The following INSYN2B variants were observed in gnomAD, a reference collection of about 807,000 sequenced individuals.
INSYN2B encodes protein INSYN2B.
INSYN2B carries 16 observed loss-of-function variants against 41.2 expected under a neutral mutation model. The ratio of observed to expected loss-of-function variants is 0.39; its 90% confidence interval spans 0.26 to 0.59. The LOEUF (loss-of-function observed/expected upper bound fraction) is 0.59. Among genes scored for constraint, INSYN2B ranks in the 20% least tolerant of loss-of-function variants. The pLI is 0.57. For synonymous variants in INSYN2B, 245 were observed against 244.4 expected, an observed-to-expected ratio of 1.00 and a Z score of -0.02; for missense variants, 608 against 646.4, an observed-to-expected ratio of 0.94 and a Z score of 0.64.
rs1299324477 is a variant in INSYN2B at position 169,882,755 on chromosome 5, A to G, written c.1144T>C (p.Ser382Pro). Residue 382 changes from serine to proline, a missense_variant, in exon 2 of 4, where the codon TCT (serine) becomes CCT (proline). Ser to Pro is a moderately conservative substitution (Grantham distance 74). Transcript: ENST00000377365. ...AGTTTGGTCTCACTCCTTGAAAGAG[A>G]GGATGGGAGATGATTACTTCCTGGA... The part of the protein sequence containing the change: ...NCPGSNHLPS[S>P]LSRSETKLQS... The G allele has an allele frequency of 6.4e-7, 1 of 1,551,658 alleles. No homozygotes were observed. The highest frequency in any genetic ancestry group is 8.7e-7 in the Non-Finnish European group (1 of 1,146,964).
intron 1 of INSYN2B, among the ~76,000 whole-genome samples, chr5:169,918,135 A>G (rs1774976380): frequency 6.6e-6 from 1 of 152,182 alleles, no homozygotes; most frequent in Non-Finnish European, 1.5e-5. Flanking sequence ...ATCCTGTTCA[A>G]TTTGCTTTGG....
Position 169,916,126 on chromosome 5 carries a change from C to T in INSYN2B, c.-918-31310G>A, listed in dbSNP as rs528957999. ...AATTCAAACTAGATTTGAGGTCTTC[C>T]TGATTCCCGGGATTTACTCTACCGG... On this transcript the variant is annotated intron_variant, in intron 1 of 3. Coordinates refer to ENST00000377365, the MANE Select transcript of INSYN2B (RefSeq NM_001129891.3). Among the ~76,000 whole-genome samples the T allele has an allele frequency of 3.3e-5, 5 of 152,296 alleles. No individual in the cohort carries two copies. In the East Asian group the frequency reaches 9.7e-4, roughly 29 times the overall value.
At chr5:169,868,691 G>T (rs1231975221) in intron 3 of INSYN2B, among the ~76,000 whole-genome samples, 6 of 152,204 alleles carry the variant, frequency 3.9e-5, no homozygotes. Flanking sequence ...CCAGGAAATT[G>T]TGGCTGCAAT....
At chr5:169,895,050 A>G (rs1042540660) in intron 1 of INSYN2B, among the ~76,000 whole-genome samples, 1 of 152,060 alleles carries the variant, frequency 6.6e-6, no homozygotes, top group African/African-American at 2.4e-5. Context: ...GCTGGAATCG[A>G]TGTTGCATTC....
chr5:169,959,656 G>A (rs1210560121), intron 1 of INSYN2B, among the ~76,000 whole-genome samples: 5 of 152,146 alleles, frequency 3.3e-5, no homozygotes, highest in Admixed American at 6.5e-5. Flanking sequence ...TGGACTAAAG[G>A]ACTTTAGGGA....
chr5:169,898,934 G>A (rs1342006226), intron 1 of INSYN2B, among the ~76,000 whole-genome samples: 2 of 152,142 alleles, frequency 1.3e-5, no homozygotes, highest in Admixed American at 6.5e-5. Flanking sequence ...AGCAAAAGGT[G>A]GTAGAATGGT....
chr5:169,974,201 A>C (rs2161367), intron 1 of INSYN2B, among the ~76,000 whole-genome samples: 37,870 of 152,180 alleles, frequency 0.25, 5,153 homozygotes, highest in Non-Finnish European at 0.31. Flanking sequence ...CTATCAAGTA[A>C]AAATGGTATT....
chr5:169,916,486 G>T (rs146024990), intron 1 of INSYN2B, among the ~76,000 whole-genome samples: 1 of 152,342 alleles, frequency 6.6e-6, no homozygotes, highest in African/African-American at 2.4e-5. Flanking sequence ...TGAAGGGGAT[G>T]GACGCTAGAA....
At position 169,861,435 on chromosome 5, in the gene INSYN2B, A is replaced by G. The variant is rs1771189564; in HGVS notation, c.*2838T>C. ...ATAGATGAGCTGGTATTAAGTTCCA[A>G]GGATAGTGAGTATGCATTTATGCAT... On this transcript the variant is annotated 3_prime_UTR_variant, in exon 4 of 4. Coordinates refer to ENST00000377365, the MANE Select transcript of INSYN2B (RefSeq NM_001129891.3). Among the ~76,000 whole-genome samples, 1 of 152,256 alleles carries G rather than the reference A, an allele frequency of 6.6e-6. No homozygotes were observed. Among genetic ancestry groups the G allele is most frequent in the African/African-American group, 2.4e-5 (1 of 41,474 alleles).
intron 1 of INSYN2B, among the ~76,000 whole-genome samples, chr5:169,905,292 TG>T (rs893581729): frequency 2.1e-5 from 1 of 47,774 alleles, no homozygotes; most frequent in Non-Finnish European, 3.6e-5. Flanking sequence ...TTAGAGCCAG[TG>T]TTTTTTTTTT....
chr5:169,861,497 T>G lies in INSYN2B; in HGVS notation c.*2776A>C, dbSNP rs1771193040. Among the ~76,000 whole-genome samples the G allele has an allele frequency of 6.6e-6, 1 of 152,246 alleles. No individual in the cohort carries two copies. The highest frequency in any genetic ancestry group is 6.5e-5 in the Admixed American group (1 of 15,286). On this transcript the variant is annotated 3_prime_UTR_variant, in exon 4 of 4. Coordinates refer to ENST00000377365, the MANE Select transcript of INSYN2B (RefSeq NM_001129891.3). ...CTACAGAGAAAGCAGCTACATAAAC[T>G]CCTGCAATTTAAGTTGATGTATTGG...
intron 1 of INSYN2B, among the ~76,000 whole-genome samples, chr5:169,917,383 A>AT (rs1314495560): frequency 5.9e-5 from 9 of 152,030 alleles, no homozygotes; most frequent in Non-Finnish European, 8.8e-5. Flanking sequence ...TTGCTTAGAG[A>AT]TTTTTTTCCA....
chr5:169,867,770 C>T (rs1381644292), intron 3 of INSYN2B, among the ~76,000 whole-genome samples: 1 of 152,136 alleles, frequency 6.6e-6, no homozygotes, highest in African/African-American at 2.4e-5. Flanking sequence ...CCTGGTACTG[C>T]ACCCCTATTT....
At chr5:169,968,244 T>G (rs752619208) in intron 1 of INSYN2B, among the ~76,000 whole-genome samples, 1 of 152,216 alleles carries the variant, frequency 6.6e-6, no homozygotes, top group Non-Finnish European at 1.5e-5. Context: ...TCAGCTAAGC[T>G]TCAGTGGCCC....
chr5:169,929,769 GAGAGAA>G (rs1359633712), intron 1 of INSYN2B, among the ~76,000 whole-genome samples: 7 of 150,046 alleles, frequency 4.7e-5, no homozygotes, highest in African/African-American at 1.7e-4. Context: ...AAAAGAGAGA[GAGAGAA>G]AGAAGCTATC....
chr5:169,940,002 T>G (rs1776170101), intron 1 of INSYN2B, among the ~76,000 whole-genome samples: 1 of 152,210 alleles, frequency 6.6e-6, no homozygotes, highest in Non-Finnish European at 1.5e-5. Context: ...CTTTCAGATC[T>G]TACCTCCAAA....
intron 1 of INSYN2B, among the ~76,000 whole-genome samples, chr5:169,905,224 G>A (rs751497277): frequency 6.6e-6 from 1 of 152,136 alleles, no homozygotes. Flanking sequence ...TGCCACAAAG[G>A]GGACCCCTGC....
chr5:169,947,786 A>C (rs1776504658), intron 1 of INSYN2B, among the ~76,000 whole-genome samples: 1 of 152,216 alleles, frequency 6.6e-6, no homozygotes. Flanking sequence ...CAGATCCTTC[A>C]CTGTCATGGT....
chr5:169,963,027 G>T (rs1777155706), intron 1 of INSYN2B, among the ~76,000 whole-genome samples: 1 of 152,158 alleles, frequency 6.6e-6, no homozygotes, highest in Admixed American at 6.5e-5. Flanking sequence ...ATGCTTAAGT[G>T]GGGCTTTGGG....
Sources: gnomAD v4.1 joint callset for allele counts (sites outside exome capture counted in the v4.1 genomes callset) on GRCh38, gnomAD v4.1.1 for gene constraint, MANE v1.5 for transcripts, NCBI Gene and HGNC (gene_info 2026-07-23, HGNC 2026-07-21) for gene names.